Variants in LRGUK observed in about 807,000 individuals in gnomAD.
LRGUK encodes the protein leucine rich repeats and guanylate kinase domain containing.
In LRGUK, 65 loss-of-function variants were observed where a neutral mutation model predicts 76.0. The ratio of observed to expected loss-of-function variants is 0.85; its 90% confidence interval spans 0.70 to 1.05. The LOEUF is 1.05. Among genes scored for constraint, LRGUK ranks in the 50% least tolerant of loss-of-function variants. The pLI is 0.00. For missense variants in LRGUK, 758 were observed against 732.8 expected, an observed-to-expected ratio of 1.03 and a Z score of -0.40; for synonymous variants, 268 against 265.6, an observed-to-expected ratio of 1.01 and a Z score of -0.09.
At chr7:134,241,938 C>T (rs1802166711) in intron 16 of LRGUK, among the ~76,000 whole-genome samples, 1 of 152,308 alleles carries the variant, frequency 6.6e-6, no homozygotes, top group East Asian at 1.9e-4. Context: ...AACTGAACAA[C>T]CTGCTCCTGA....
intron 11 of LRGUK, among the ~76,000 whole-genome samples, chr7:134,188,784 G>A (rs1479114682): frequency 6.6e-6 from 1 of 152,156 alleles, no homozygotes; most frequent in African/African-American, 2.4e-5. Context: ...GCTGTAATGT[G>A]CTTGAATTCA....
At chr7:134,231,900 T>C (rs931022621) in intron 16 of LRGUK, among the ~76,000 whole-genome samples, 1 of 147,812 alleles carries the variant, frequency 6.8e-6, no homozygotes, top group Non-Finnish European at 1.5e-5. Flanking sequence ...TCCTCCCTGC[T>C]TCCTTCCCTT....
At chr7:134,184,695 C>T (rs1222061763) in intron 11 of LRGUK, among the ~76,000 whole-genome samples, 2 of 152,192 alleles carry the variant, frequency 1.3e-5, no homozygotes, top group Non-Finnish European at 2.9e-5. Context: ...ATGCTGTTCC[C>T]CACCTTTTCC....
chr7:134,224,297 A>G (rs561325488), intron 16 of LRGUK, among the ~76,000 whole-genome samples: 2 of 152,322 alleles, frequency 1.3e-5, no homozygotes, highest in Admixed American at 1.3e-4. Flanking sequence ...GGCTGTCCTG[A>G]TGCACAGCTG....
downstream of LRGUK, among the ~76,000 whole-genome samples, chr7:134,266,539 T>C (rs1208799015): frequency 6.6e-6 from 1 of 151,996 alleles, no homozygotes; most frequent in Admixed American, 6.5e-5. Flanking sequence ...AAGAGTGAAA[T>C]AGAGAGGACA....
intron 19 of LRGUK, among the ~76,000 whole-genome samples, chr7:134,260,600 G>T (rs1467926539): frequency 6.6e-6 from 1 of 152,166 alleles, no homozygotes; most frequent in African/African-American, 2.4e-5. Flanking sequence ...CCCTGGGCTT[G>T]TGTGTGTGCT....
At chr7:134,220,567 G>T (rs1195280827) in intron 15 of LRGUK, among the ~76,000 whole-genome samples, 1 of 151,366 alleles carries the variant, frequency 6.6e-6, no homozygotes, top group Non-Finnish European at 1.5e-5. Context: ...AAACAGTCCA[G>T]GTCTTCTTCT....
chr7:134,255,460 T>G (rs141583479), intron 18 of LRGUK, among the ~76,000 whole-genome samples: 13 of 152,248 alleles, frequency 8.5e-5, no homozygotes, highest in African/African-American at 2.9e-4. Flanking sequence ...GACTTAGAAT[T>G]TAACTGAAGG....
chr7:134,220,803 C>A (rs561226713), intron 15 of LRGUK, among the ~76,000 whole-genome samples: 24 of 152,144 alleles, frequency 1.6e-4, no homozygotes, highest in Admixed American at 9.8e-4. Context: ...CTCCTGGGCT[C>A]AAGTGTTCTG....
intron 1 of LRGUK, among the ~76,000 whole-genome samples, chr7:134,136,564 ACTAT>A (rs1797548244): frequency 6.6e-6 from 1 of 152,124 alleles, no homozygotes. Context: ...TCTGTCACAT[ACTAT>A]CTGTTTGGTT....
intron 16 of LRGUK, among the ~76,000 whole-genome samples, chr7:134,246,393 G>A (rs1802302193): frequency 6.6e-6 from 1 of 152,192 alleles, no homozygotes; most frequent in East Asian, 1.9e-4. Flanking sequence ...CATCGCTACA[G>A]ATCAGTTATT....
chr7:134,243,938 A>G (rs1802227878), intron 16 of LRGUK, among the ~76,000 whole-genome samples: 1 of 152,252 alleles, frequency 6.6e-6, no homozygotes, highest in African/African-American at 2.4e-5. Context: ...CCTGACAAAA[A>G]CAAGCTATGG....
intron 16 of LRGUK, among the ~76,000 whole-genome samples, chr7:134,237,158 G>GCACC (rs1802038290): frequency 6.7e-6 from 1 of 148,278 alleles, no homozygotes. Context: ...GGGTTCAAGT[G>GCACC]ATTTTCCTCC....
chr7:134,137,142 A>G lies in LRGUK; in HGVS notation c.405+12A>G, dbSNP rs759350650. ...ATCTAACTTTATCAGTGAGTATGAC[A>G]AAATCTCCATTGGCTGGCTACAGCT... On this transcript the variant is annotated intron_variant, in intron 2 of 15. Coordinates refer to ENST00000645682, the Ensembl canonical transcript of LRGUK. 4.1e-5 allele frequency: 64 copies of G among 1,578,734 alleles called. No individual in the cohort carries two copies. Among genetic ancestry groups the G allele is most frequent in the Non-Finnish European group, 5.4e-5 (62 of 1,151,880 alleles).
At chr7:134,258,382 G>T (rs766322394) in exon 19 of LRGUK, 1 of 1,613,994 alleles carries the variant, frequency 6.2e-7, no homozygotes, top group Admixed American at 1.7e-5. Context: ...GCCAGTGACA[G>T]TGAGACCGAA....
downstream of LRGUK, chr7:134,264,642 T>C (rs1293406438): frequency 2.6e-5 from 4 of 152,230 alleles, no homozygotes; most frequent in Non-Finnish European, 5.9e-5. Flanking sequence ...TGATTAGATA[T>C]ACTTTTAGAC....
At chr7:134,132,537 G>A (rs369371170) in intron 1 of LRGUK, among the ~76,000 whole-genome samples, 4 of 152,234 alleles carry the variant, frequency 2.6e-5, no homozygotes, top group Admixed American at 2.0e-4. Flanking sequence ...GTTGGGAGGC[G>A]AGGAAAGGAG....
At chr7:134,146,578 A>G (rs74614696) in intron 4 of LRGUK, among the ~76,000 whole-genome samples, 1,812 of 152,308 alleles carry the variant, frequency 0.012, 13 homozygotes, top group Middle Eastern at 0.027. Flanking sequence ...TTTTTTTAAT[A>G]ACACTTTTAT....
At chr7:134,241,463 A>T (rs906114215) in intron 16 of LRGUK, among the ~76,000 whole-genome samples, 1 of 152,252 alleles carries the variant, frequency 6.6e-6, no homozygotes, top group Non-Finnish European at 1.5e-5. Flanking sequence ...AAAGAAAGCC[A>T]TTACATAATG....
Sources: allele counts gnomAD v4.1 joint callset (sites outside exome capture counted in the v4.1 genomes callset), GRCh38; gene constraint gnomAD v4.1.1; transcripts MANE v1.5; gene names NCBI Gene and HGNC (gene_info 2026-07-23, HGNC 2026-07-21).